ZNF644: variants seen among roughly 807,000 people sequenced by gnomAD.
The protein encoded by ZNF644 is zinc finger protein 644, also known as zinc finger motif enhancer binding protein 2.
A neutral mutation model predicts 108.0 loss-of-function variants in ZNF644; 20 were observed. The observed-to-expected ratio is 0.19, with a 90% CI of 0.13 to 0.27. The LOEUF is 0.27. Ranked by LOEUF, ZNF644 falls within the 10% of genes least tolerant of loss-of-function variation. The pLI is 1.00. For synonymous variants in ZNF644, 542 were observed against 539.1 expected, an observed-to-expected ratio of 1.01 and a Z score of -0.08; for missense variants, 1,338 against 1,548.9, an observed-to-expected ratio of 0.86 and a Z score of 2.29.
intron 2 of ZNF644, among the ~76,000 whole-genome samples, chr1:90,958,690 A>G (rs550378397): frequency 2.6e-5 from 4 of 152,208 alleles, no homozygotes; most frequent in Non-Finnish European, 5.9e-5. Context: ...TTCATTTCCA[A>G]CAAAGTGCCA....
At chr1:90,924,017 G>T (rs550571157) in intron 4 of ZNF644, among the ~76,000 whole-genome samples, 7 of 152,158 alleles carry the variant, frequency 4.6e-5, no homozygotes, top group African/African-American at 1.7e-4. Context: ...AAAGTAGAGG[G>T]GATGATTACT....
At chr1:90,994,874 A>G (rs1357120259) in intron 1 of ZNF644, among the ~76,000 whole-genome samples, 1 of 152,220 alleles carries the variant, frequency 6.6e-6, no homozygotes, top group Non-Finnish European at 1.5e-5. Flanking sequence ...GCAGCAATGG[A>G]AAGCTAGAAG....
chr1:91,015,908 T>A (rs1017542860), intron 1 of ZNF644, among the ~76,000 whole-genome samples: 3 of 152,228 alleles, frequency 2.0e-5, no homozygotes, highest in Non-Finnish European at 4.4e-5. Flanking sequence ...CAGCATTGTA[T>A]GCCAGAAAGC....
chr1:90,950,129 T>G (rs1196715046), intron 2 of ZNF644, among the ~76,000 whole-genome samples: 1 of 150,170 alleles, frequency 6.7e-6, no homozygotes, highest in Non-Finnish European at 1.5e-5. Flanking sequence ...ATATAAAAAA[T>G]TCGCAGGGTG....
At chr1:90,932,129 A>G (rs1252095720) in intron 4 of ZNF644, among the ~76,000 whole-genome samples, 1 of 152,194 alleles carries the variant, frequency 6.6e-6, no homozygotes, top group African/African-American at 2.4e-5. Flanking sequence ...TATCCTTTTC[A>G]GTGTATTCAG....
chr1:90,994,721 C>T (rs1011075374), intron 1 of ZNF644, among the ~76,000 whole-genome samples: 15 of 152,194 alleles, frequency 9.9e-5, no homozygotes, highest in African/African-American at 3.6e-4. Context: ...AGGTTAGAAG[C>T]TCTGTAGAAC....
chr1:90,959,700 C>T (rs1364183144), intron 2 of ZNF644, among the ~76,000 whole-genome samples: 1 of 151,924 alleles, frequency 6.6e-6, no homozygotes, highest in Admixed American at 6.6e-5. Context: ...GGTTACTTTA[C>T]CAGGTGATGG....
Position 90,916,776 on chromosome 1 carries a change from C to T in ZNF644, c.*22G>A. 6.2e-7 allele frequency: 1 copy of T among 1,612,976 alleles called. No individual in the cohort carries two copies. On this transcript the variant is annotated 3_prime_UTR_variant, in exon 6 of 6. Transcript: ENST00000337393. ...CAAATTTACATCCAATTCAAACTGGCTATTTAAAAGGTTTCCTGGTTCTAT... is the reference window on the plus strand; with the variant it reads ...CAAATTTACATCCAATTCAAACTGGTTATTTAAAAGGTTTCCTGGTTCTAT...
chr1:90,988,337 G>T (rs1466527508), intron 1 of ZNF644, among the ~76,000 whole-genome samples: 1 of 152,064 alleles, frequency 6.6e-6, no homozygotes, highest in Non-Finnish European at 1.5e-5. Context: ...ATTAACCAAG[G>T]ATCCAACAGA....
chr1:91,003,140 A>C (rs1659053213), intron 1 of ZNF644, among the ~76,000 whole-genome samples: 1 of 152,228 alleles, frequency 6.6e-6, no homozygotes, highest in Non-Finnish European at 1.5e-5. Flanking sequence ...TCAAGGATCT[A>C]GAACTAGAAA....
At chr1:91,012,260 A>G (rs942620391) in intron 1 of ZNF644, among the ~76,000 whole-genome samples, 16 of 151,938 alleles carry the variant, frequency 1.1e-4, no homozygotes, top group African/African-American at 3.9e-4. Context: ...AGAAGTTTAG[A>G]AACAAAAACT....
At chr1:90,937,371 AGCAGCTT>A in intron 4 of ZNF644, 107 bp downstream of exon 4, 5 of 1,455,694 alleles carry the variant, frequency 3.4e-6, no homozygotes, top group Non-Finnish European at 2.8e-6. Context: ...AAAAAAAAAA[AGCAGCTT>A]AAACAGGAAG....
intron 4 of ZNF644, among the ~76,000 whole-genome samples, chr1:90,936,806 GA>G (rs35975100): frequency 0.14 from 20,593 of 152,090 alleles, 1,450 homozygotes; most frequent in South Asian, 0.16. Context: ...CTTTCAAAAG[GA>G]AAAAACTATT....
rs986979053 is a variant in ZNF644, at chr1:90,918,211, A to T, written c.3689-57T>A. ...CTTATATATTTCAAAATATACATAC[A>T]CACATATTTTTCTAGAGAGGTCAGA... On this transcript the variant is annotated intron_variant, in intron 4 of 5. Transcript: ENST00000337393. The T allele has an allele frequency of 4.2e-6, 6 of 1,425,626 alleles. No homozygotes were observed. In the African/African-American group the frequency reaches 8.5e-5, roughly 20 times the overall value. The allele number at this position is 1,425,626 out of a possible 1,614,324, so 88.3% of individuals were successfully genotyped here.
At chr1:90,951,502 G>A (rs944977215) in intron 2 of ZNF644, among the ~76,000 whole-genome samples, 2 of 152,090 alleles carry the variant, frequency 1.3e-5, no homozygotes, top group Non-Finnish European at 2.9e-5. Context: ...TCCTCAGATG[G>A]AATGCTCTTT....
rs180940568 is a variant in ZNF644, at chr1:90,943,621, C to G, written c.45-2312G>C. On this transcript the variant is annotated intron_variant, in intron 2 of 5. Transcript: ENST00000337393. ...ACCAACAATCATTTTTTCCACCCCT[C>G]GTAGGTTTTAGAATTCTGTTTTGAG... Among the ~76,000 whole-genome samples the G allele has an allele frequency of 3.3e-5, 5 of 152,162 alleles. No individual in the cohort carries two copies. The East Asian group carries it at 9.7e-4, about 29-fold the overall frequency.
intron 2 of ZNF644, among the ~76,000 whole-genome samples, chr1:90,963,145 A>G (rs1190487623): frequency 6.6e-6 from 1 of 152,154 alleles, no homozygotes; most frequent in Non-Finnish European, 1.5e-5. Flanking sequence ...GTATGTATAA[A>G]CCATATAGTT....
chr1:91,010,167 T>A (rs1216863155), intron 1 of ZNF644, among the ~76,000 whole-genome samples: 1 of 152,092 alleles, frequency 6.6e-6, no homozygotes, highest in Non-Finnish European at 1.5e-5. Context: ...TATTACTTTT[T>A]ATTATATGCA....
At chr1:90,923,132 G>A (rs2100802613) in intron 4 of ZNF644, among the ~76,000 whole-genome samples, 1 of 152,182 alleles carries the variant, frequency 6.6e-6, no homozygotes, top group Non-Finnish European at 1.5e-5. Context: ...CCAGCTTCAT[G>A]GGTGTCCAAC....
Sources: allele counts gnomAD v4.1 joint callset (sites outside exome capture counted in the v4.1 genomes callset), GRCh38; gene constraint gnomAD v4.1.1; transcripts MANE v1.5; gene names NCBI Gene and HGNC (gene_info 2026-07-23, HGNC 2026-07-21).